SLC22A15: variants seen among roughly 807,000 people sequenced by gnomAD.
The protein encoded by SLC22A15 is flipt 1.
SLC22A15 carries 45 observed loss-of-function variants against 62.7 expected under a neutral mutation model. The ratio of observed to expected loss-of-function variants is 0.72; its 90% CI spans 0.56 to 0.92. SLC22A15 has a LOEUF of 0.92. Among genes scored for constraint, SLC22A15 ranks in the 40% least tolerant of loss-of-function variants. The pLI, the probability that SLC22A15 is intolerant of heterozygous loss-of-function variation, is 0.00. For missense variants in SLC22A15, 622 were observed against 665.6 expected (o/e 0.93, Z 0.72); for synonymous variants, 264 against 267.0 (o/e 0.99, Z 0.11).
chr1:116,006,538 T>C (rs1489892650), intron 2 of SLC22A15, among the ~76,000 whole-genome samples: 1 of 152,220 alleles, frequency 6.6e-6, no homozygotes, highest in Non-Finnish European at 1.5e-5. Context: ...CCTTGCCACC[T>C]GTGATAGTAG....
chr1:116,064,435 G>A lies in SLC22A15; in HGVS notation c.1293-1G>A. On this transcript the variant is annotated splice_acceptor_variant, in intron 9 of 11. Coordinates refer to ENST00000369503, the MANE Select transcript of SLC22A15 (RefSeq NM_018420.3). LOFTEE classifies it high-confidence loss of function. Reference sequence around the variant, plus strand: ...GATGTATTTTTACTTATGCTTTTCAGGAATGTTGGGCTTGGAACTTGTTCC... The same window carrying A: ...GATGTATTTTTACTTATGCTTTTCAAGAATGTTGGGCTTGGAACTTGTTCC... The A allele has an allele frequency of 6.2e-7, 1 of 1,611,878 alleles. No homozygotes were observed. The highest frequency in any genetic ancestry group is 8.5e-7 in the Non-Finnish European group (1 of 1,178,142).
chr1:115,998,224 G>T (rs888247562), intron 2 of SLC22A15, among the ~76,000 whole-genome samples: 1 of 152,026 alleles, frequency 6.6e-6, no homozygotes, highest in East Asian at 1.9e-4. Flanking sequence ...TTCATCAGAT[G>T]TATTGGCCTC....
chr1:116,059,960 G>A (rs1204447447), intron 8 of SLC22A15, among the ~76,000 whole-genome samples: 1 of 152,184 alleles, frequency 6.6e-6, no homozygotes, highest in African/African-American at 2.4e-5. Context: ...AAGTATACAA[G>A]TGTTTTTTGA....
intron 8 of SLC22A15, among the ~76,000 whole-genome samples, chr1:116,059,196 A>G (rs1658310529): frequency 6.6e-6 from 1 of 152,218 alleles, no homozygotes; most frequent in Non-Finnish European, 1.5e-5. Flanking sequence ...AGTGTTGGTG[A>G]TAAAGAGGAA....
At position 115,995,695 on chromosome 1, in the gene SLC22A15, A is replaced by G. The variant is rs554474658; in HGVS notation, c.300+3452A>G. 2.0e-5 allele frequency among the ~76,000 whole-genome samples: 3 copies of G among 152,322 alleles called. No homozygotes were observed. In the South Asian group the frequency reaches 6.2e-4, roughly 32 times the overall value. ...GCCTATATATTTATCAACCATATGT[A>G]CATAATCTTGGATTCCTATTCTTTT... is the stretch of plus-strand genomic sequence containing the variant. On this transcript the variant is annotated intron_variant, in intron 2 of 11. Coordinates refer to ENST00000369503, the MANE Select transcript of SLC22A15 (RefSeq NM_018420.3).
At chr1:115,995,165 T>C (rs1655359218) in intron 2 of SLC22A15, among the ~76,000 whole-genome samples, 1 of 152,206 alleles carries the variant, frequency 6.6e-6, no homozygotes, top group Non-Finnish European at 1.5e-5. Flanking sequence ...AGACACACTA[T>C]ATCCATCTGC....
In SLC22A15 at chr1:116,063,409, C is replaced by T. The variant is rs72996767; in HGVS notation, c.1292+527C>T. On this transcript the variant is annotated intron_variant, in intron 9 of 11. Coordinates refer to ENST00000369503, the MANE Select transcript of SLC22A15 (RefSeq NM_018420.3). Reference sequence around the variant, plus strand: ...TAAATATCCAGCCTAAATTTCCCTTCATAAAATAAGTCTGAAAGCAAGAAA... The same window carrying T: ...TAAATATCCAGCCTAAATTTCCCTTTATAAAATAAGTCTGAAAGCAAGAAA... Among the ~76,000 whole-genome samples, 629 of 152,272 alleles carry T rather than the reference C, an allele frequency of 4.1e-3. 9 individuals carry two copies. Among genetic ancestry groups the T allele is most frequent in the African/African-American group, 0.015 (607 of 41,560 alleles).
chr1:116,015,411 G>C (rs188588077), intron 2 of SLC22A15: 1 of 152,244 alleles, frequency 6.6e-6, no homozygotes, highest in Admixed American at 6.5e-5. Context: ...CTGAGAATCA[G>C]AATTTGGAAT....
chr1:116,055,879 T>A (rs1340159694), intron 8 of SLC22A15, among the ~76,000 whole-genome samples: 1 of 148,918 alleles, frequency 6.7e-6, no homozygotes, highest in African/African-American at 2.5e-5. Context: ...AAACTCTCAA[T>A]AAATTAGGTA....
intron 2 of SLC22A15, among the ~76,000 whole-genome samples, chr1:116,009,928 G>A (rs1656169483): frequency 1.3e-5 from 2 of 152,192 alleles, no homozygotes; most frequent in Non-Finnish European, 2.9e-5. Context: ...AAGATACTGT[G>A]TTAAAAACAC....
At chr1:115,976,927 C>T (rs1327867474) in intron 1 of SLC22A15, among the ~76,000 whole-genome samples, 7 of 152,062 alleles carry the variant, frequency 4.6e-5, no homozygotes, top group African/African-American at 1.7e-4. Flanking sequence ...GCCTCAGAGC[C>T]TCTTGGGTTC....
chr1:116,037,993 A>G (rs1177916656), intron 8 of SLC22A15, among the ~76,000 whole-genome samples: 1 of 152,234 alleles, frequency 6.6e-6, no homozygotes, highest in Non-Finnish European at 1.5e-5. Flanking sequence ...GCATTCTAAT[A>G]TAACCTGATT....
At chr1:116,019,824 G>A (rs898604997) in intron 3 of SLC22A15, 110 bp downstream of exon 3, 1 of 1,209,174 alleles carries the variant, frequency 8.3e-7, no homozygotes. Context: ...ATTGGCATAT[G>A]GACACAGAAC....
At chr1:116,010,531 T>G (rs1656198197) in intron 2 of SLC22A15, among the ~76,000 whole-genome samples, 1 of 152,214 alleles carries the variant, frequency 6.6e-6, no homozygotes, top group Non-Finnish European at 1.5e-5. Flanking sequence ...AGTTAGTTAA[T>G]CACCATGAAA....
intron 5 of SLC22A15, chr1:116,027,456 G>T: frequency 2.1e-6 from 1 of 468,560 alleles, no homozygotes; most frequent in Non-Finnish European, 4.4e-6. Flanking sequence ...TCTAAACATT[G>T]ACTCTGGAAG....
chr1:116,058,654 G>A (rs986101966), intron 8 of SLC22A15, among the ~76,000 whole-genome samples: 3 of 152,146 alleles, frequency 2.0e-5, no homozygotes, highest in Admixed American at 6.6e-5. Context: ...ATTCAAAAAA[G>A]ATACTTGCAC....
chr1:115,986,030 G>A (rs1196191515), intron 1 of SLC22A15, among the ~76,000 whole-genome samples: 6 of 151,726 alleles, frequency 4.0e-5, no homozygotes, highest in Admixed American at 3.9e-4. Flanking sequence ...TTAAATCGAG[G>A]TGGAGTCTCA....
At chr1:116,050,925 A>G (rs1431765237) in intron 8 of SLC22A15, among the ~76,000 whole-genome samples, 1 of 152,198 alleles carries the variant, frequency 6.6e-6, no homozygotes, top group Non-Finnish European at 1.5e-5. Context: ...TCTATACACC[A>G]ATGGCAGCCA....
intron 2 of SLC22A15, among the ~76,000 whole-genome samples, chr1:115,996,777 T>C (rs1452494861): frequency 3.3e-5 from 5 of 152,142 alleles, no homozygotes; most frequent in African/African-American, 9.7e-5. Context: ...AGTTATAGCG[T>C]GATTCAAATG....
Sources: gnomAD v4.1 joint callset for allele counts (sites outside exome capture counted in the v4.1 genomes callset) on GRCh38, gnomAD v4.1.1 for gene constraint, MANE v1.5 for transcripts, NCBI Gene and HGNC (gene_info 2026-07-23, HGNC 2026-07-21) for gene names.